The following HERC2 variants were observed in gnomAD, a reference collection of about 807,000 sequenced individuals.
HERC2 encodes the protein E3 ubiquitin-protein ligase HERC2.
Under a neutral mutation model 537.7 loss-of-function variants are expected in HERC2, and 102 were observed. The ratio of observed to expected loss-of-function variants is 0.19; its 90% CI spans 0.16 to 0.22. The LOEUF (loss-of-function observed/expected upper bound fraction) is 0.22, where lower values mean the gene tolerates loss of function less well. Among genes scored for constraint, HERC2 ranks in the 10% least tolerant of loss-of-function variants. HERC2 has a pLI of 1.00. For synonymous variants in HERC2, 2,224 were observed against 2,466.2 expected (o/e 0.90, Z 2.91); for missense variants, 4,236 against 6,198.2 (o/e 0.68, Z 10.63).
At chr15:28,305,806 T>C (rs1275720748) in intron 2 of HERC2, among the ~76,000 whole-genome samples, 2,576 of 148,428 alleles carry the variant, frequency 0.017, 36 homozygotes, top group African/African-American at 0.06. Flanking sequence ...ATGCAGAATC[T>C]ACAATGAACT....
In HERC2 at chr15:28,176,968, T is replaced by C. The variant is rs754019469; in HGVS notation, c.9414A>G (p.Thr3138=). 1 of 1,613,136 alleles carries C rather than the reference T, an allele frequency of 6.2e-7. No homozygotes were observed. Among genetic ancestry groups the C allele is most frequent in the Non-Finnish European group, 8.5e-7 (1 of 1,179,338 alleles). Residue 3138 remains threonine, a synonymous_variant, in exon 61 of 93, where the codon ACA becomes ACG. Transcript: ENST00000261609. The surrounding 1 kb of genome is among the most constrained non-coding windows in gnomAD (Gnocchi z 5.0). ...YGRLGHGDNT[T]QLKPKMVKVL... ...TAATCACCATTTTGGGCTTTAGCTG[T>C]GTCGTATTATCCCCATGTCCCAGCC...
At chr15:28,301,959 C>T (rs1338318824) in intron 2 of HERC2, among the ~76,000 whole-genome samples, 1 of 150,552 alleles carries the variant, frequency 6.6e-6, no homozygotes, top group Non-Finnish European at 1.5e-5. Flanking sequence ...ACCACCACAC[C>T]CAGCTAATTT....
At chr15:28,308,556 G>C (rs958483562) in intron 2 of HERC2, among the ~76,000 whole-genome samples, 6 of 152,126 alleles carry the variant, frequency 3.9e-5, no homozygotes, top group African/African-American at 1.2e-4. Context: ...TCTCTTGTCT[G>C]ATTGCTCTAG....
chr15:28,280,144 T>C lies in HERC2; in HGVS notation c.466A>G (p.Arg156Gly), dbSNP rs1443430113. 5 of 1,614,092 alleles carry C rather than the reference T, an allele frequency of 3.1e-6. No homozygotes were observed. The highest frequency in any genetic ancestry group is 3.3e-5 in the Admixed American group (2 of 60,004). ...ILERYFIALN[R>G]TVFQENVKVK... ...TTGACATTCTCCTGAAAAACGGTTC[T>C]ATTCAAGGCAATGAAATAGCGCTCC... Residue 156 changes from arginine (R) to glycine (G), a missense_variant, in exon 5 of 93, where the codon AGA becomes GGA. By Grantham distance (125) the Arg-to-Gly change is moderately radical. Transcript: ENST00000261609.
intron 79 of HERC2, among the ~76,000 whole-genome samples, chr15:28,133,034 G>C (rs1890264792): frequency 6.6e-6 from 1 of 151,788 alleles, no homozygotes; most frequent in Non-Finnish European, 1.5e-5. Flanking sequence ...CCCCAGCTCT[G>C]ACTCAGAGGC....
chr15:28,289,340 T>C (rs144946505), intron 4 of HERC2, among the ~76,000 whole-genome samples: 3,889 of 149,314 alleles, frequency 0.026, 112 homozygotes, highest in African/African-American at 0.048. Context: ...AGAATGTCAC[T>C]GGAGATAAAG....
chr15:28,136,644 T>G (rs939502433), intron 78 of HERC2, among the ~76,000 whole-genome samples: 119 of 152,382 alleles, frequency 7.8e-4, no homozygotes, highest in African/African-American at 2.6e-3. Context: ...ATGGCCCATG[T>G]GCCAAATCAG....
intron 86 of HERC2, chr15:28,117,725 A>C (rs1888433440): frequency 2.7e-6 from 1 of 366,880 alleles, no homozygotes; most frequent in South Asian, 2.0e-5. Flanking sequence ...CCTTGGGGCC[A>C]CTCAGCCTCC....
At chr15:28,216,231 A>T (rs1298516736) in intron 38 of HERC2, among the ~76,000 whole-genome samples, 5 of 152,200 alleles carry the variant, frequency 3.3e-5, no homozygotes, top group African/African-American at 1.2e-4. Context: ...AGTACTTTGC[A>T]ACAGTGCATC....
At chr15:28,307,902 G>A (rs528531913) in intron 2 of HERC2, among the ~76,000 whole-genome samples, 85 of 152,206 alleles carry the variant, frequency 5.6e-4, no homozygotes, top group African/African-American at 1.7e-3. Context: ...ATTCTGTTCC[G>A]TTGGTCTGTG....
chr15:28,270,925 C>G (rs2075709083), intron 9 of HERC2, 57 bp from the exon 10 acceptor site: 15 of 1,495,686 alleles, frequency 1.0e-5, no homozygotes, highest in Non-Finnish European at 1.4e-5. Context: ...AAAGTTAACA[C>G]AATTAACCTT....
rs1470215499 is a variant in HERC2 at position 28,172,490 on chromosome 15, A to T, written c.10057+1905T>A. On this transcript the variant is annotated intron_variant, in intron 65 of 92. Transcript: ENST00000261609. ...GATCCATACATCCATAGACAACTGA[A>T]TTCTCACAAAGGCAAAAGGCAATTC... 3.3e-5 allele frequency among the ~76,000 whole-genome samples: 5 copies of T among 152,338 alleles called. No individual in the cohort carries two copies. The East Asian group carries it at 9.6e-4, about 29-fold the overall frequency.
intron 12 of HERC2, among the ~76,000 whole-genome samples, chr15:28,266,976 G>C (rs2075586357): frequency 6.6e-6 from 1 of 152,210 alleles, no homozygotes; most frequent in African/African-American, 2.4e-5. Flanking sequence ...AATGAAGCCA[G>C]CACTCTGCAA....
At chr15:28,198,525 C>T in intron 49 of HERC2, 22 bp from the exon 50 acceptor site, 2 of 1,611,284 alleles carry the variant, frequency 1.2e-6, no homozygotes, top group Non-Finnish European at 1.7e-6. Flanking sequence ...AATAACAAAT[C>T]ATTATAATCA....
intron 78 of HERC2, among the ~76,000 whole-genome samples, chr15:28,140,762 T>C (rs1891138074): frequency 6.6e-6 from 1 of 151,276 alleles, no homozygotes. Context: ...CATCAGGTGA[T>C]CCACCCACCT....
intron 7 of HERC2, chr15:28,273,247 C>T: frequency 1.8e-6 from 1 of 563,656 alleles, no homozygotes; most frequent in South Asian, 2.2e-5. Context: ...AGATGACATA[C>T]TCCATGTATA....
chr15:28,246,876 C>T lies in HERC2; in HGVS notation c.3257G>A (p.Gly1086Asp). 6.2e-7 allele frequency: 1 copy of T among 1,609,202 alleles called. No homozygotes were observed. The highest frequency in any genetic ancestry group is 8.5e-7 in the Non-Finnish European group (1 of 1,178,438). ...GGCTGTGTACTTCTTCAGCAAGGAA[C>T]CAACACCCATTAGCTCTGGACCTTG... Reference protein sequence around the residue: ...DISSPELMGVGSLLKKYTALL... With the variant: ...DISSPELMGVDSLLKKYTALL... The change falls in exon 22 of 93, where the codon GGT becomes GAT. Residue 1086 changes from glycine (G) to aspartate (D), a missense_variant. Gly to Asp is a moderately conservative substitution (Grantham distance 94). This residue lies in a region of HERC2 where 754 missense variants were observed against 1,085.0 expected (regional missense o/e 0.69). Transcript: ENST00000261609.
At chr15:28,287,758 C>T (rs2076198889) in intron 4 of HERC2, among the ~76,000 whole-genome samples, 1 of 143,704 alleles carries the variant, frequency 7.0e-6, no homozygotes, top group Non-Finnish European at 1.5e-5. Context: ...TGGAGTCTCA[C>T]CCTGTCACCC....
rs748061474 is a variant in HERC2 at position 28,265,712 on chromosome 15, G to A, written c.1776C>T (p.Ala592=). ...RLGHGSSEDE[A]IPMLVAGLKG... ...TAAGCCCGGCTACCAGCATCGGAAT[G>A]GCCTCGTCCTCACTGGAGCCTTCAA... Residue 592 remains alanine (A), a synonymous_variant, in exon 14 of 93, where the codon GCC becomes GCT. Transcript: ENST00000261609. The surrounding 1 kb of genome is among the most constrained non-coding windows in gnomAD (Gnocchi z 4.0). 7.4e-6 allele frequency: 12 copies of A among 1,614,008 alleles called. No homozygotes were observed. The South Asian group carries it at 1.3e-4, about 18-fold the overall frequency.
Sources: allele counts gnomAD v4.1 joint callset (sites outside exome capture counted in the v4.1 genomes callset), GRCh38; gene constraint gnomAD v4.1.1; regional missense constraint gnomAD v4.1.1; non-coding constraint Gnocchi (gnomAD v3.1); transcripts MANE v1.5; gene names NCBI Gene and HGNC (gene_info 2026-07-23, HGNC 2026-07-21).